The following PITPNM2 variants were observed in gnomAD, a reference collection of about 807,000 sequenced individuals.
The protein encoded by PITPNM2 is phosphatidylinositol transfer protein membrane associated 2, also known as membrane-associated phosphatidylinositol transfer protein 2.
PITPNM2 carries 35 observed loss-of-function variants against 132.2 expected under a neutral mutation model. The ratio of observed to expected loss-of-function variants is 0.26; its 90% CI spans 0.20 to 0.35. The LOEUF (loss-of-function observed/expected upper bound fraction) is 0.35. Ranked by LOEUF, PITPNM2 falls within the 10% of genes least tolerant of loss-of-function variation. The probability of loss-of-function intolerance (pLI) is 1.00; values close to 1 mark genes in which losing one functional copy is unlikely to be tolerated. For synonymous variants in PITPNM2, 738 were observed against 799.2 expected (o/e 0.92, Z 1.29); for missense variants, 1,332 against 1,912.0 (o/e 0.70, Z 5.66).
Position 122,988,784 on chromosome 12 carries a change from A to T in PITPNM2, c.2820T>A (p.Pro940=). Residue 940 remains proline (P), a synonymous_variant, in exon 19 of 26, where the codon CCT becomes CCA. Transcript: ENST00000320201. ...ALTAFPTVAL[P]HLFHASYWES... is the part of the protein sequence containing the mutation. ...CCCAGTAGCTGGCGTGGAAGAGGTG[A>T]GGCAGAGCCACCGTGGGGAAGGCCG... 6.3e-7 allele frequency: 1 copy of T among 1,582,134 alleles called. No homozygotes were observed.
In PITPNM2 at chr12:122,996,704, A is replaced by G. The variant is rs1250705990; in HGVS notation, c.1662+17T>C. 6 of 1,609,848 alleles carry G rather than the reference A, an allele frequency of 3.7e-6. No homozygotes were observed. The highest frequency in any genetic ancestry group is 3.4e-6 in the Non-Finnish European group (4 of 1,178,826). On this transcript the variant is annotated intron_variant, in intron 12 of 25. Transcript: ENST00000320201. ...GTCTTCCATCCTCCTCCCCTCCCCA[A>G]CTTCCCCGGGACTCACCTGCCCATT...
chr12:123,138,755 T>C (rs995682327), intron 1 of PITPNM2, among the ~76,000 whole-genome samples: 5 of 152,200 alleles, frequency 3.3e-5, no homozygotes, highest in Admixed American at 2.0e-4. Context: ...TGGAATTCGA[T>C]AGAGCCAGTG....
At chr12:123,006,914 G>C (rs943268920) in intron 6 of PITPNM2, among the ~76,000 whole-genome samples, 4 of 152,020 alleles carry the variant, frequency 2.6e-5, no homozygotes, top group African/African-American at 9.7e-5. Context: ...ATCTTACAAT[G>C]AGTGAATCAT....
chr12:123,095,143 A>C lies in PITPNM2; in HGVS notation c.-96+15242T>G, dbSNP rs2042374011. 6.6e-6 allele frequency among the ~76,000 whole-genome samples: 1 copy of C among 152,142 alleles called. No individual in the cohort carries two copies. Among genetic ancestry groups the C allele is most frequent in the Admixed American group, 6.5e-5 (1 of 15,278 alleles). Reference sequence around the variant, plus strand: ...AGACTCTCCACTCCACCATCCTTGCACAGCAGGCTGATTCAGGGCTTGGAA... The same window carrying C: ...AGACTCTCCACTCCACCATCCTTGCCCAGCAGGCTGATTCAGGGCTTGGAA... On this transcript the variant is annotated intron_variant, in intron 2 of 25. Coordinates refer to ENST00000320201, the MANE Select transcript of PITPNM2 (RefSeq NM_020845.3). This position sits in a 1 kb window ranked among gnomAD's most constrained non-coding sequence, Gnocchi z 5.0.
At chr12:123,052,074 ATTG>A (rs1346376096) in intron 2 of PITPNM2, among the ~76,000 whole-genome samples, 1 of 80,262 alleles carries the variant, frequency 1.2e-5, no homozygotes, top group African/African-American at 4.7e-5. Context: ...GGTTAATTTT[ATTG>A]TTTTTTTTTT....
intron 3 of PITPNM2, among the ~76,000 whole-genome samples, chr12:123,032,553 T>C (rs2040131076): frequency 6.6e-6 from 1 of 152,142 alleles, no homozygotes; most frequent in East Asian, 1.9e-4. Flanking sequence ...GGTGATTCTA[T>C]GCTCCAGAAC....
At chr12:123,027,693 G>A (rs2039915419) in intron 3 of PITPNM2, among the ~76,000 whole-genome samples, 1 of 152,248 alleles carries the variant, frequency 6.6e-6, no homozygotes. Context: ...GCCACTGGGA[G>A]CCAGACGGGA....
rs183680769 is a variant in PITPNM2 at position 123,042,488 on chromosome 12, G to A, written c.-95-7803C>T. On this transcript the variant is annotated intron_variant, in intron 2 of 25. Transcript: ENST00000320201. ...ATTTAGTGAGGCTGTGCAAAGTTAA[G>A]GGGGGATGGAATCCATCCCAACGCA... Among the ~76,000 whole-genome samples the A allele has an allele frequency of 5.3e-5, 8 of 152,272 alleles. No homozygotes were observed. The East Asian group carries it at 1.5e-3, about 29-fold the overall frequency.
In PITPNM2 at chr12:123,004,477, C is replaced by T. The variant is rs373594165; in HGVS notation, c.965G>A (p.Arg322His). 1.4e-4 allele frequency: 218 copies of T among 1,613,664 alleles called. 1 individual carries two copies. The highest frequency in any genetic ancestry group is 6.4e-4 in the South Asian group (58 of 91,078). ...RSSKRGASPS[R>H]HSISEWRMQS... ...CATCCTCCACTCTGAGATGCTGTGG[C>T]GGGAAGGACTCGCTGGAAGGCAAAA... Residue 322 changes from arginine to histidine, a missense_variant, in exon 8 of 26, where the codon CGC becomes CAC. Around this residue, in one of 6 missense-constraint regions of PITPNM2, gnomAD observed 710 missense variants for 911.5 expected, o/e 0.78. Coordinates refer to ENST00000320201, the MANE Select transcript of PITPNM2 (RefSeq NM_020845.3). The surrounding 1 kb of genome is among the most constrained non-coding windows in gnomAD (Gnocchi z 4.9).
chr12:123,014,616 C>T (rs1042228060), intron 3 of PITPNM2, among the ~76,000 whole-genome samples: 6 of 152,238 alleles, frequency 3.9e-5, no homozygotes, highest in Non-Finnish European at 5.9e-5. Flanking sequence ...ACAGGAGAAT[C>T]GCTTGAACCC....
chr12:123,100,012 C>T (rs996930461), intron 2 of PITPNM2, among the ~76,000 whole-genome samples: 5 of 152,188 alleles, frequency 3.3e-5, no homozygotes, highest in African/African-American at 4.8e-5. Flanking sequence ...CAGCCTACTC[C>T]GCAGACACCT....
Position 123,150,154 on chromosome 12 carries a change from C to T in PITPNM2, c.-200+599G>A, listed in dbSNP as rs530814901. 1.3e-5 allele frequency: 2 copies of T among 152,816 alleles called. No individual in the cohort carries two copies. The highest frequency in any genetic ancestry group is 3.9e-4 in the East Asian group (2 of 5,176). The allele number at this position is 152,816 out of a possible 1,614,324, so 9.5% of individuals were successfully genotyped here. On this transcript the variant is annotated intron_variant, in intron 1 of 25. Transcript: ENST00000320201. This position sits in a 1 kb window ranked among gnomAD's most constrained non-coding sequence, Gnocchi z 6.0. ...CACTGAACTTTCCCTCTCCCCAAGG[C>T]CCCCCGATCAGCCCTGCCACGGATA...
rs767458627 is a variant in PITPNM2 at position 123,010,055 on chromosome 12, G to T, written c.438C>A (p.Asp146Glu). The change falls in exon 6 of 26, where the codon GAC becomes GAA. Residue 146 changes from aspartate (D) to glutamate (E), a missense_variant. Transcript: ENST00000320201. Reference protein sequence around the residue: ...LTIDFIDIVKDPVPHNEYKTE... With the variant: ...LTIDFIDIVKEPVPHNEYKTE... ...TCTTATACTCGTTGTGGGGCACAGG[G>T]TCTTTGACAATGTCGATGAAGTCTG... The T allele has an allele frequency of 2.9e-5, 47 of 1,613,914 alleles. No homozygotes were observed. The Admixed American group carries it at 5.2e-4, about 18-fold the overall frequency.
At chr12:123,128,479 C>T (rs972387445) in intron 1 of PITPNM2, among the ~76,000 whole-genome samples, 6 of 142,534 alleles carry the variant, frequency 4.2e-5, no homozygotes, top group African/African-American at 7.9e-5. Flanking sequence ...GGGGGGCAGG[C>T]GCAGTGGCTC....
chr12:122,988,354 G>C lies in PITPNM2; in HGVS notation c.2881-4C>G, dbSNP rs2038029272. The C allele has an allele frequency of 6.2e-6, 10 of 1,612,218 alleles. No individual in the cohort carries two copies. In the East Asian group the frequency reaches 2.2e-4, roughly 36 times the overall value. On this transcript the variant is annotated splice_polypyrimidine_tract_variant and splice_region_variant and intron_variant, in intron 19 of 25. Transcript: ENST00000320201. ...TGGAGTTGTCATGCCTCATGACCTG[G>C]GAAGAGGGGACAGTGCAGGCTGTGG...
At chr12:123,119,071 C>T (rs1397668293) in intron 1 of PITPNM2, among the ~76,000 whole-genome samples, 2 of 152,118 alleles carry the variant, frequency 1.3e-5, no homozygotes, top group Non-Finnish European at 2.9e-5. Context: ...CTGGGCTCAG[C>T]GTTGATGACA....
chr12:122,989,040 G>A (rs1415516115), intron 18 of PITPNM2, among the ~76,000 whole-genome samples, 168 bp from the exon 19 acceptor site: 2 of 152,178 alleles, frequency 1.3e-5, no homozygotes, highest in African/African-American at 4.8e-5. Context: ...GGGAGGGAGC[G>A]CAGGCAAAAG....
chr12:122,991,914 G>T (rs2038206355), intron 16 of PITPNM2: 3 of 1,308,004 alleles, frequency 2.3e-6, no homozygotes, highest in Non-Finnish European at 2.9e-6. Flanking sequence ...GGCAGACGGG[G>T]AGAGAACAGA....
rs2038033944 is a variant in PITPNM2, at chr12:122,988,448, T to C, written c.2881-98A>G. On this transcript the variant is annotated intron_variant, in intron 19 of 25. Coordinates refer to ENST00000320201, the MANE Select transcript of PITPNM2 (RefSeq NM_020845.3). ...CCAGTACCCGGGAGCAAGAGGAGCC[T>C]GTGGGTTGTAGGGGGTGTTCTTCAA... 98 of 1,063,172 alleles carry C rather than the reference T, an allele frequency of 9.2e-5. 1 individual carries two copies. In the South Asian group the frequency reaches 1.3e-3, roughly 14 times the overall value. 65.9% of individuals were successfully genotyped at this position (1,063,172 alleles called of 1,614,324 possible). A position where few individuals can be genotyped will look rare whatever the true frequency, so the allele number is the denominator to read the frequency against.
Sources: allele counts gnomAD v4.1 joint callset (sites outside exome capture counted in the v4.1 genomes callset), GRCh38; gene constraint gnomAD v4.1.1; regional missense constraint gnomAD v4.1.1; non-coding constraint Gnocchi (gnomAD v3.1); transcripts MANE v1.5; gene names NCBI Gene and HGNC (gene_info 2026-07-23, HGNC 2026-07-21).